TENM3: variants seen among roughly 807,000 people sequenced by gnomAD.
The protein encoded by TENM3 is teneurin transmembrane protein 3.
In TENM3, 63 loss-of-function variants were observed where a neutral mutation model predicts 255.1. The ratio of observed to expected loss-of-function variants is 0.25; its 90% confidence interval spans 0.20 to 0.30. The LOEUF is 0.30. Among genes scored for constraint, TENM3 ranks in the 10% least tolerant of loss-of-function variants. TENM3 has a pLI of 1.00. For synonymous variants in TENM3, 1,306 were observed against 1,322.3 expected (o/e 0.99, Z 0.27); for missense variants, 2,929 against 3,461.1 (o/e 0.85, Z 3.86).
At chr4:182,484,135 C>T (rs549421509) in intron 3 of TENM3, among the ~76,000 whole-genome samples, 8 of 152,224 alleles carry the variant, frequency 5.3e-5, no homozygotes, top group Admixed American at 3.3e-4. Context: ...GTGATGATAG[C>T]AGCAAACATC....
the TENM3 span, among the ~76,000 whole-genome samples, chr4:181,796,971 A>G: frequency 2.6e-5 from 4 of 151,988 alleles, no homozygotes; most frequent in South Asian, 2.1e-4. Context: ...TGCTGTTTCC[A>G]TGTTGTGGGT....
the TENM3 span, among the ~76,000 whole-genome samples, chr4:181,836,967 G>A: frequency 7.3e-6 from 1 of 136,806 alleles, no homozygotes; most frequent in Non-Finnish European, 1.6e-5. Flanking sequence ...TAACAGTCTT[G>A]CTCACATTTT....
chr4:182,118,627 A>T, the TENM3 span, among the ~76,000 whole-genome samples: 2 of 151,766 alleles, frequency 1.3e-5, no homozygotes, highest in Non-Finnish European at 2.9e-5. Flanking sequence ...AATTGAGAAC[A>T]TATCTCACTG....
intron 1 of TENM3, among the ~76,000 whole-genome samples, chr4:182,228,228 G>A (rs190829001): frequency 5.9e-5 from 9 of 151,900 alleles, no homozygotes; most frequent in Non-Finnish European, 1.0e-4. Context: ...GTAGATTTTA[G>A]CTGTTCTTGC....
the TENM3 span, among the ~76,000 whole-genome samples, chr4:181,605,567 AAAGAGAGAGAAAGAAAGGAAAGAAAG>A: frequency 8.8e-3 from 279 of 31,870 alleles, 18 homozygotes; most frequent in Middle Eastern, 0.02. Flanking sequence ...AGAAAGAAAG[AAAGAGAGAGAAAGAAAGGAAAGAAAG>A]AAAGAAAGAA....
chr4:181,617,881 A>G, the TENM3 span, among the ~76,000 whole-genome samples: 2 of 152,248 alleles, frequency 1.3e-5, no homozygotes, highest in Middle Eastern at 3.2e-3. Flanking sequence ...TCAGAAAATG[A>G]TAGCTCATTT....
chr4:181,533,700 C>A, the TENM3 span, among the ~76,000 whole-genome samples: 2 of 151,870 alleles, frequency 1.3e-5, no homozygotes, highest in Non-Finnish European at 2.9e-5. Context: ...ATTTTCAGAG[C>A]CATTTTATTG....
Position 182,799,453 on chromosome 4 carries a change from C to G in TENM3, c.7345-143C>G. The G allele has an allele frequency of 9.5e-7, 1 of 1,053,330 alleles. No individual in the cohort carries two copies. The highest frequency in any genetic ancestry group is 1.3e-6 in the Non-Finnish European group (1 of 755,000). 65.2% of individuals were successfully genotyped at this position (1,053,330 alleles called of 1,614,324 possible). A position where few individuals can be genotyped will look rare whatever the true frequency, so the allele number is the denominator to read the frequency against. ...AGGGATCTCGAGTGCTCCCTCCACC[C>G]GGGCTGTCAGCCTTCTGGTCAGGGA... On this transcript the variant is annotated intron_variant, in intron 27 of 27. Transcript: ENST00000511685. The surrounding 1 kb of genome is among the most constrained non-coding windows in gnomAD (Gnocchi z 4.2).
intron 22 of TENM3, among the ~76,000 whole-genome samples, chr4:182,759,090 G>A (rs1037731777): frequency 1.3e-5 from 2 of 152,156 alleles, no homozygotes; most frequent in African/African-American, 2.4e-5. Flanking sequence ...TTTTAAAAGA[G>A]AATTAGTTGC....
chr4:181,828,365 C>T, the TENM3 span, among the ~76,000 whole-genome samples: 2 of 152,148 alleles, frequency 1.3e-5, no homozygotes, highest in African/African-American at 4.8e-5. Flanking sequence ...AATAATATTC[C>T]TTCTTCTTTC....
chr4:181,589,711 GT>G, the TENM3 span, among the ~76,000 whole-genome samples: 1 of 152,200 alleles, frequency 6.6e-6, no homozygotes, highest in African/African-American at 2.4e-5. Context: ...CACAGATGCA[GT>G]TAGAGCTGAT....
chr4:181,569,490 A>C, the TENM3 span, among the ~76,000 whole-genome samples: 1 of 152,080 alleles, frequency 6.6e-6, no homozygotes, highest in Non-Finnish European at 1.5e-5. Context: ...GGTTCAGCCC[A>C]TTTTCTAACT....
the TENM3 span, among the ~76,000 whole-genome samples, chr4:181,455,746 TA>T: frequency 6.6e-6 from 1 of 152,026 alleles, no homozygotes; most frequent in Middle Eastern, 3.4e-3. Context: ...TAATGGCATT[TA>T]AAAAAATCTC....
chr4:181,813,026 C>G, the TENM3 span, among the ~76,000 whole-genome samples: 4 of 152,260 alleles, frequency 2.6e-5, no homozygotes, highest in African/African-American at 9.6e-5. Context: ...TTCAACATAC[C>G]TTTACAAAAT....
chr4:182,166,171 G>A (rs937514158), intron 1 of TENM3, among the ~76,000 whole-genome samples: 4 of 152,226 alleles, frequency 2.6e-5, no homozygotes, highest in African/African-American at 9.6e-5. Context: ...TAATGTGGCT[G>A]TTTCGTAAAG....
the TENM3 span, among the ~76,000 whole-genome samples, chr4:181,621,534 C>T: frequency 2.6e-5 from 4 of 152,290 alleles, no homozygotes; most frequent in Non-Finnish European, 5.9e-5. Flanking sequence ...CCATCGTAAG[C>T]AGTGTGCTTT....
At chr4:181,646,729 G>C in the TENM3 span, among the ~76,000 whole-genome samples, 3 of 152,076 alleles carry the variant, frequency 2.0e-5, no homozygotes, top group African/African-American at 7.2e-5. Flanking sequence ...TCTGACTCTG[G>C]GACCCCTGCC....
chr4:182,392,677 C>T (rs1483071799), intron 3 of TENM3, among the ~76,000 whole-genome samples: 2 of 142,596 alleles, frequency 1.4e-5, no homozygotes, highest in African/African-American at 2.5e-5. Flanking sequence ...CCACGTGGGG[C>T]GGGGGTGGAA....
intron 3 of TENM3, among the ~76,000 whole-genome samples, chr4:182,493,265 A>G (rs1277762505): frequency 6.6e-6 from 1 of 152,154 alleles, no homozygotes; most frequent in Non-Finnish European, 1.5e-5. Flanking sequence ...GGCTTCTTCC[A>G]GAAAAAAAGC....
Sources: allele counts gnomAD v4.1 joint callset (sites outside exome capture counted in the v4.1 genomes callset), GRCh38; gene constraint gnomAD v4.1.1; non-coding constraint Gnocchi (gnomAD v3.1); transcripts MANE v1.5; gene names NCBI Gene and HGNC (gene_info 2026-07-23, HGNC 2026-07-21).